Variants in OLFM1 observed in about 807,000 individuals in gnomAD.
The protein encoded by OLFM1 is noelin.
A neutral mutation model predicts 49.7 loss-of-function variants in OLFM1; 9 were observed. That is an observed-to-expected ratio of 0.18 (90% CI 0.11 to 0.32). The LOEUF (loss-of-function observed/expected upper bound fraction) is 0.32. OLFM1 is among the 10% of genes least tolerant of loss of function. OLFM1 has a pLI of 1.00. For synonymous variants in OLFM1, 240 were observed against 271.8 expected (o/e 0.88, Z 1.15); for missense variants, 369 against 661.8 (o/e 0.56, Z 4.85).
intron 5 of OLFM1, among the ~76,000 whole-genome samples, chr9:135,109,378 A>G (rs1171670229): frequency 6.6e-6 from 1 of 152,020 alleles, no homozygotes; most frequent in African/African-American, 2.4e-5. Context: ...TTAGGCATCT[A>G]TTTTCTGCTT....
chr9:135,109,745 G>A (rs892778897), intron 5 of OLFM1, among the ~76,000 whole-genome samples: 1 of 152,062 alleles, frequency 6.6e-6, no homozygotes, highest in African/African-American at 2.4e-5. Flanking sequence ...AATCAATGTC[G>A]GCTTCAGTGC....
At position 135,087,879 on chromosome 9, in the gene OLFM1, G is replaced by A. The variant is rs1205536135; in HGVS notation, c.-111G>A. On this transcript the variant is annotated 5_prime_UTR_variant, in exon 1 of 6. Transcript: ENST00000371793. ...GGGCGGCGGCGGGCCGAGGGGGCGCGGGGACACAGCCAGGCGCCCCTGCCC... is the reference window on the plus strand; with the variant it reads ...GGGCGGCGGCGGGCCGAGGGGGCGCAGGGACACAGCCAGGCGCCCCTGCCC... 4.0e-6 allele frequency: 4 copies of A among 1,002,602 alleles called. No homozygotes were observed. The highest frequency in any genetic ancestry group is 6.1e-5 in the Admixed American group (1 of 16,404). The allele number at this position is 1,002,602 out of a possible 1,614,324, so 62.1% of individuals were successfully genotyped here. A position where few individuals can be genotyped will look rare whatever the true frequency, so the allele number is the denominator to read the frequency against.
chr9:135,085,220 T>C (rs1830582543), upstream of OLFM1, among the ~76,000 whole-genome samples: 1 of 152,172 alleles, frequency 6.6e-6, no homozygotes, highest in Non-Finnish European at 1.5e-5. Flanking sequence ...GGCAACCTCC[T>C]GTCCTTCCCA....
rs1277793149 is a variant in OLFM1, at chr9:135,097,077, G to A, written c.456+1058G>A. ...TGAACAGGTCAAATTACACAGCCTC[G>A]CCCGACTAGAAACTGCTGGTGTACT... On this transcript the variant is annotated intron_variant, in intron 3 of 5. Coordinates refer to ENST00000371793, the MANE Select transcript of OLFM1 (RefSeq NM_001282611.2). 3.3e-5 allele frequency among the ~76,000 whole-genome samples: 5 copies of A among 152,084 alleles called. 1 individual carries two copies. The highest frequency in any genetic ancestry group is 1.3e-4 in the Admixed American group (2 of 15,270).
intron 5 of OLFM1, among the ~76,000 whole-genome samples, chr9:135,114,053 G>C: frequency 6.7e-6 from 1 of 149,486 alleles, no homozygotes; most frequent in Non-Finnish European, 1.5e-5. Context: ...CCCCTCTTCT[G>C]TCTCTTATAA....
chr9:135,091,127 T>C (rs563578971), intron 2 of OLFM1, among the ~76,000 whole-genome samples: 1 of 152,326 alleles, frequency 6.6e-6, no homozygotes, highest in Non-Finnish European at 1.5e-5. Flanking sequence ...CGGACCCACA[T>C]GGCCGAGCTC....
At chr9:135,084,719 A>C (rs959077059), upstream of OLFM1, among the ~76,000 whole-genome samples, 4 of 152,144 alleles carry the variant, frequency 2.6e-5, no homozygotes, top group Non-Finnish European at 5.9e-5. This position sits in a 1 kb window ranked among gnomAD's most constrained non-coding sequence, Gnocchi z 4.6. Flanking sequence ...CCGGGCATCC[A>C]AACTTTGTCC....
intron 5 of OLFM1, among the ~76,000 whole-genome samples, chr9:135,119,232 CT>C (rs1831149985): frequency 6.6e-6 from 1 of 151,152 alleles, no homozygotes; most frequent in African/African-American, 2.4e-5. Flanking sequence ...CTTTGGAGTA[CT>C]CACTGGGTCT....
chr9:135,084,061 G>A (rs73560281), upstream of OLFM1, among the ~76,000 whole-genome samples: 1,731 of 152,336 alleles, frequency 0.011, 40 homozygotes, highest in African/African-American at 0.04. The surrounding 1 kb of genome is among the most constrained non-coding windows in gnomAD (Gnocchi z 4.6). Context: ...CCTCAGAGGA[G>A]GGGAGTACAG....
At position 135,077,102 on chromosome 9, in the gene OLFM1, G is replaced by T. The variant is rs531699194; in HGVS notation, c.96+1300G>T. The T allele has an allele frequency of 2.7e-4, 426 of 1,550,540 alleles. 1 individual carries two copies. The highest frequency in any genetic ancestry group is 1.2e-3 in the Middle Eastern group (7 of 5,990). On this transcript the variant is annotated intron_variant, in intron 1 of 5. Transcript: ENST00000252854. The stretch of plus-strand genomic sequence containing the variant: ...TTCTTGGCCCCAGGAAGGCCTGGTG[G>T]AGGGTGGTGGTTGTGCACTGTTGCT...
intron 3 of OLFM1, chr9:135,097,731 G>C (rs375203228): frequency 6.9e-7 from 1 of 1,457,290 alleles, no homozygotes; most frequent in East Asian, 2.3e-5. Context: ...TCTGTTTCAG[G>C]CAGGCTAGTG....
intron 5 of OLFM1, among the ~76,000 whole-genome samples, chr9:135,118,288 G>A (rs1035298024): frequency 2.6e-5 from 4 of 151,864 alleles, no homozygotes; most frequent in Non-Finnish European, 4.4e-5. Context: ...AGTGCTCACC[G>A]GGTCTTTGGA....
At chr9:135,094,815 A>G (rs12347561) in intron 2 of OLFM1, among the ~76,000 whole-genome samples, 8,557 of 152,250 alleles carry the variant, frequency 0.056, 817 homozygotes, top group African/African-American at 0.2. Flanking sequence ...CGGCAAAGCT[A>G]AGCCTCATCC....
intron 1 of OLFM1, among the ~76,000 whole-genome samples, chr9:135,081,981 C>T (rs1830538931): frequency 6.6e-6 from 1 of 152,216 alleles, no homozygotes; most frequent in South Asian, 2.1e-4. Context: ...TCGTGTGTGG[C>T]TGCTCACCTG....
Position 135,088,827 on chromosome 9 carries a change from G to A in OLFM1, c.150+688G>A, listed in dbSNP as rs925301723. On this transcript the variant is annotated intron_variant, in intron 1 of 5. Transcript: ENST00000371793. This position sits in a 1 kb window ranked among gnomAD's most constrained non-coding sequence, Gnocchi z 4.8. ...CCTCGCCTTTGCCTTCGTCTTCTGC[G>A]CGCACCCCTCCCTCCTGGCCTCTGA... 2.0e-5 allele frequency among the ~76,000 whole-genome samples: 3 copies of A among 152,194 alleles called. No individual in the cohort carries two copies. The highest frequency in any genetic ancestry group is 2.1e-4 in the South Asian group (1 of 4,828).
At chr9:135,111,383 C>T (rs542924967) in intron 5 of OLFM1, among the ~76,000 whole-genome samples, 47 of 152,296 alleles carry the variant, frequency 3.1e-4, no homozygotes, top group Non-Finnish European at 4.4e-4. Flanking sequence ...CCTCGCTCGC[C>T]GTCTGGCCGC....
chr9:135,076,534 G>A, intron 1 of OLFM1: 1 of 1,215,338 alleles, frequency 8.2e-7, no homozygotes, highest in Non-Finnish European at 1.1e-6. Flanking sequence ...GAGCTGGCAG[G>A]TCTTGGGGGA....
chr9:135,106,539 C>T (rs1830946078), intron 4 of OLFM1: 1 of 571,860 alleles, frequency 1.7e-6, no homozygotes, highest in Non-Finnish European at 3.1e-6. Context: ...GCCACAGCTG[C>T]TCTGTTTTGG....
chr9:135,076,795 T>G (rs1219416290), intron 1 of OLFM1: 3 of 1,524,750 alleles, frequency 2.0e-6, no homozygotes, highest in Non-Finnish European at 2.7e-6. Context: ...CTTCCTCCCT[T>G]CCTCCATCTC....
Sources: allele counts gnomAD v4.1 joint callset (sites outside exome capture counted in the v4.1 genomes callset), GRCh38; gene constraint gnomAD v4.1.1; non-coding constraint Gnocchi (gnomAD v3.1); transcripts MANE v1.5; gene names NCBI Gene and HGNC (gene_info 2026-07-23, HGNC 2026-07-21).